CAPN5: variants seen among roughly 807,000 people sequenced by gnomAD.
The protein encoded by CAPN5 is calpain 5, also known as calpain-5.
CAPN5 carries 54 observed loss-of-function variants against 73.0 expected under a neutral mutation model. The ratio of observed to expected loss-of-function variants is 0.74; its 90% CI spans 0.59 to 0.93. CAPN5 has a LOEUF of 0.93. Ranked by LOEUF, CAPN5 falls within the 40% of genes least tolerant of loss-of-function variation. The probability of loss-of-function intolerance (pLI) is 0.00; values close to 1 mark genes in which losing one functional copy is unlikely to be tolerated. For missense variants in CAPN5, 785 were observed against 882.9 expected (o/e 0.89, Z 1.41); for synonymous variants, 335 against 356.9 (o/e 0.94, Z 0.69).
At chr11:77,114,205 A>T in intron 4 of CAPN5, 37 bp from the exon 5 acceptor site, 1 of 1,595,048 alleles carries the variant, frequency 6.3e-7, no homozygotes, top group Admixed American at 1.7e-5. Flanking sequence ...CTGGCTGGGG[A>T]GCATGAGCTG....
At chr11:77,076,765 A>C (rs1307468557) in intron 1 of CAPN5, among the ~76,000 whole-genome samples, 5 of 152,214 alleles carry the variant, frequency 3.3e-5, no homozygotes, top group Non-Finnish European at 7.3e-5. Flanking sequence ...CCATTCATCC[A>C]TTGATGGACT....
At chr11:77,076,231 G>A (rs1022243280) in intron 1 of CAPN5, among the ~76,000 whole-genome samples, 2 of 152,160 alleles carry the variant, frequency 1.3e-5, no homozygotes, top group South Asian at 2.1e-4. Flanking sequence ...GACTAGTGGC[G>A]GTCACCTGTA....
intron 1 of CAPN5, among the ~76,000 whole-genome samples, chr11:77,082,201 G>A (rs543581562): frequency 6.6e-6 from 1 of 152,198 alleles, no homozygotes; most frequent in East Asian, 1.9e-4. Context: ...GGAGCTCCGA[G>A]CCCCAGAGCT....
intron 1 of CAPN5, among the ~76,000 whole-genome samples, chr11:77,078,131 A>G (rs1195645842): frequency 1.3e-5 from 2 of 152,214 alleles, no homozygotes; most frequent in Non-Finnish European, 2.9e-5. Flanking sequence ...TATCTAAAAT[A>G]TCATTGCCCA....
At chr11:77,075,007 T>A (rs557144685) in intron 1 of CAPN5, among the ~76,000 whole-genome samples, 1 of 152,344 alleles carries the variant, frequency 6.6e-6, no homozygotes, top group African/African-American at 2.4e-5. Flanking sequence ...TGGTTTAGTC[T>A]TGTCCTTTTC....
Position 77,122,024 on chromosome 11 carries a change from T to C in CAPN5, c.1578T>C (p.Ala526=). ...TGACCCAGGTACATGTCCTGGGAGCTGCTGGCCTCAAGGACTCCCCAACAG... is the reference window on the plus strand; with the variant it reads ...TGACCCAGGTACATGTCCTGGGAGCCGCTGGCCTCAAGGACTCCCCAACAG... ...QLVTQVHVLG[A]AGLKDSPTGA... is the part of the protein sequence containing the mutation. The change falls in exon 11 of 13, where the codon GCT becomes GCC. Residue 526 remains alanine, a synonymous_variant. Transcript: ENST00000648180. 2.6e-6 allele frequency: 4 copies of C among 1,557,612 alleles called. No homozygotes were observed. Among genetic ancestry groups the C allele is most frequent in the Non-Finnish European group, 3.5e-6 (4 of 1,150,552 alleles).
intron 7 of CAPN5, 30 bp from the exon 8 acceptor site, chr11:77,118,127 G>T: frequency 6.3e-7 from 1 of 1,589,496 alleles, no homozygotes; most frequent in South Asian, 1.1e-5. Context: ...TGTGGGGGAG[G>T]TACCCTGCTC....
At chr11:77,087,914 A>C in intron 2 of CAPN5, 1 of 1,535,614 alleles carries the variant, frequency 6.5e-7, no homozygotes, top group Non-Finnish European at 8.7e-7. Flanking sequence ...CTTCACCCAC[A>C]GGCTCGCTAT....
chr11:77,115,793 CAG>C (rs1242147460), intron 6 of CAPN5, among the ~76,000 whole-genome samples: 21 of 152,064 alleles, frequency 1.4e-4, no homozygotes, highest in African/African-American at 5.1e-4. Context: ...TGGAGGCCAT[CAG>C]GGGTGTAGAG....
Position 77,123,773 on chromosome 11 carries a change from C to G in CAPN5, c.1826C>G (p.Thr609Ser), listed in dbSNP as rs781953780. The change falls in exon 13 of 13, where the codon ACC becomes AGC. Residue 609 changes from threonine to serine, a missense_variant. Coordinates refer to ENST00000648180, the MANE Select transcript of CAPN5 (RefSeq NM_004055.5). ...ADPDNLQALHTLHLRDRNSRQ... is the reference protein window; with the variant it reads ...ADPDNLQALHSLHLRDRNSRQ... ...CCGGACAACCTCCAGGCCCTGCATA[C>G]CCTCCACCTCCGGGACCGAAATAGC... The G allele has an allele frequency of 1.2e-6, 2 of 1,613,956 alleles. No homozygotes were observed.
At chr11:77,103,492 C>T (rs1439001050) in intron 3 of CAPN5, among the ~76,000 whole-genome samples, 2 of 152,156 alleles carry the variant, frequency 1.3e-5, no homozygotes, top group African/African-American at 2.4e-5. Flanking sequence ...CTCTGCTTCT[C>T]CCTGGGGCCA....
intron 6 of CAPN5, among the ~76,000 whole-genome samples, chr11:77,115,826 C>T (rs782813718): frequency 2.0e-5 from 3 of 151,946 alleles, no homozygotes. Flanking sequence ...TGAGTGGGTG[C>T]GGGAGGGGAG....
intron 1 of CAPN5, among the ~76,000 whole-genome samples, chr11:77,074,545 CA>C (rs537546617): frequency 1.2e-4 from 19 of 152,222 alleles, no homozygotes; most frequent in Non-Finnish European, 2.5e-4. Flanking sequence ...CCAAATCGGG[CA>C]CCAGCAAAGA....
intron 3 of CAPN5, among the ~76,000 whole-genome samples, chr11:77,109,785 G>A (rs1438340412): frequency 6.6e-6 from 1 of 152,170 alleles, no homozygotes; most frequent in Non-Finnish European, 1.5e-5. Flanking sequence ...GAGGCCCTTG[G>A]GGATCCCAGA....
chr11:77,123,090 T>G (rs1950540058), intron 12 of CAPN5, among the ~76,000 whole-genome samples: 1 of 152,200 alleles, frequency 6.6e-6, no homozygotes, highest in African/African-American at 2.4e-5. Context: ...CCAAGAGCCT[T>G]GGGCAGGGGA....
At chr11:77,073,557 G>A (rs1555033488) in intron 1 of CAPN5, among the ~76,000 whole-genome samples, 2 of 152,142 alleles carry the variant, frequency 1.3e-5, no homozygotes, top group African/African-American at 2.4e-5. Flanking sequence ...TGTGCTGTGA[G>A]GCACCAGGGG....
intron 3 of CAPN5, among the ~76,000 whole-genome samples, chr11:77,096,846 G>A (rs113646085): frequency 3.9e-5 from 6 of 152,278 alleles, no homozygotes; most frequent in African/African-American, 1.4e-4. Context: ...AGTCCCAGTC[G>A]AATGCCTGGG....
chr11:77,114,353 C>A lies in CAPN5; in HGVS notation c.618C>A (p.Asn206Lys). ...PIDLTEGDFA[N>K]DETKRNQLFE... ...ACCTGACCGAGGGTGACTTTGCCAA[C>A]GATGAGACTAAGAGGAACCAGCTCT... is the stretch of plus-strand genomic sequence containing the variant. The change falls in exon 5 of 13, where the codon AAC becomes AAA. Residue 206 changes from asparagine to lysine, a missense_variant. By Grantham distance (94) the Asn-to-Lys change is moderately conservative. Coordinates refer to ENST00000648180, the MANE Select transcript of CAPN5 (RefSeq NM_004055.5). The A allele has an allele frequency of 6.2e-7, 1 of 1,614,190 alleles. No individual in the cohort carries two copies. Among genetic ancestry groups the A allele is most frequent in the Non-Finnish European group, 8.5e-7 (1 of 1,180,022 alleles).
At position 77,080,296 on chromosome 11, in the gene CAPN5, A is replaced by T. The variant is rs542298920; in HGVS notation, c.-35-4556A>T. 9.0e-3 allele frequency among the ~76,000 whole-genome samples: 1,377 copies of T among 152,268 alleles called. 19 individuals carry two copies. The highest frequency in any genetic ancestry group is 0.031 in the African/African-American group (1,300 of 41,538). ...TTGTTCTCTTCAAATGGCTCTGCTT[A>T]TTCTGGGTCCTTTGTGGCTTTGAGG... On this transcript the variant is annotated intron_variant, in intron 1 of 12. Coordinates refer to ENST00000648180, the MANE Select transcript of CAPN5 (RefSeq NM_004055.5).
Sources: gnomAD v4.1 joint callset for allele counts (sites outside exome capture counted in the v4.1 genomes callset) on GRCh38, gnomAD v4.1.1 for gene constraint, MANE v1.5 for transcripts, NCBI Gene and HGNC (gene_info 2026-07-23, HGNC 2026-07-21) for gene names.